The following GIGYF2 variants were observed in gnomAD, a reference collection of about 807,000 sequenced individuals.
GIGYF2 encodes the protein GRB10 interacting GYF protein 2, also known as GRB10-interacting GYF protein 2.
Under a neutral mutation model 208.1 loss-of-function variants are expected in GIGYF2, and 25 were observed. The ratio of observed to expected loss-of-function variants is 0.12; its 90% CI spans 0.09 to 0.17. The LOEUF (loss-of-function observed/expected upper bound fraction) is 0.17, where lower values mean the gene tolerates loss of function less well. Ranked by LOEUF, GIGYF2 falls within the 10% of genes least tolerant of loss-of-function variation. The pLI is 1.00. For synonymous variants in GIGYF2, 534 were observed against 543.8 expected (o/e 0.98, Z 0.25); for missense variants, 1,302 against 1,579.4 (o/e 0.82, Z 2.98).
In GIGYF2 at chr2:232,735,792, C is replaced by A. The variant is rs922421642; in HGVS notation, c.41+554C>A. 21 of 985,326 alleles carry A rather than the reference C, an allele frequency of 2.1e-5. No individual in the cohort carries two copies. In the South Asian group the frequency reaches 8.5e-4, roughly 40 times the overall value. The allele number at this position is 985,326 out of a possible 1,614,324, so 61.0% of individuals were successfully genotyped here. ...GTTTGGACCCCGAATATGGAATTCT[C>A]ATGGAATTTTGAGATCCATCACATT... is the stretch of plus-strand genomic sequence containing the variant. On this transcript the variant is annotated intron_variant, in intron 3 of 28. Coordinates refer to ENST00000373563, the MANE Select transcript of GIGYF2 (RefSeq NM_001103146.3).
chr2:232,758,749 A>G (rs1698636874), intron 6 of GIGYF2, among the ~76,000 whole-genome samples: 1 of 152,180 alleles, frequency 6.6e-6, no homozygotes, highest in African/African-American at 2.4e-5. Flanking sequence ...TTTCTGGAAT[A>G]AAACATTTTC....
At chr2:232,756,530 G>C (rs754397854) in intron 6 of GIGYF2, among the ~76,000 whole-genome samples, 196 bp downstream of exon 6, 6 of 152,126 alleles carry the variant, frequency 3.9e-5, no homozygotes, top group Non-Finnish European at 7.4e-5. Flanking sequence ...GAGCAGAAGA[G>C]TATAATTCTA....
chr2:232,729,481 C>A, intron 2 of GIGYF2: 4 of 983,748 alleles, frequency 4.1e-6, no homozygotes, highest in Admixed American at 3.0e-5. Flanking sequence ...TTTTAATTAA[C>A]CTCTCAAGCT....
At chr2:232,820,572 C>T (rs1574922230) in intron 21 of GIGYF2, among the ~76,000 whole-genome samples, 1 of 151,846 alleles carries the variant, frequency 6.6e-6, no homozygotes, top group South Asian at 2.1e-4. Flanking sequence ...CCTCGGCCTC[C>T]CAAAGTGCTG....
At chr2:232,700,427 C>G (rs991023852) in intron 1 of GIGYF2, among the ~76,000 whole-genome samples, 21 of 152,298 alleles carry the variant, frequency 1.4e-4, no homozygotes, top group Admixed American at 3.9e-4. Flanking sequence ...CTGGGAGAAC[C>G]TTTTTGGGTA....
intron 21 of GIGYF2, among the ~76,000 whole-genome samples, chr2:232,828,904 C>T (rs1481476715): frequency 1.3e-5 from 2 of 152,040 alleles, no homozygotes; most frequent in African/African-American, 4.8e-5. Flanking sequence ...CCAAGCTTGG[C>T]CTCCTACATT....
chr2:232,796,280 T>C (rs1700220127), intron 14 of GIGYF2, 59 bp downstream of exon 14: 1 of 1,066,130 alleles, frequency 9.4e-7, no homozygotes, highest in African/African-American at 1.5e-5. Context: ...CCAGAATCTC[T>C]AAGAAGGGAT....
chr2:232,746,594 A>G (rs1051368999), intron 3 of GIGYF2, among the ~76,000 whole-genome samples: 3 of 152,232 alleles, frequency 2.0e-5, no homozygotes, highest in East Asian at 3.9e-4. Context: ...TTTTCCCCAT[A>G]AAAATATATT....
intron 13 of GIGYF2, 21 bp from the exon 14 acceptor site, chr2:232,796,041 T>C (rs1486937577): frequency 5.7e-6 from 9 of 1,588,090 alleles, no homozygotes; most frequent in Non-Finnish European, 7.8e-6. Context: ...GTTTCCTTGA[T>C]TTTTGTTTTT....
At chr2:232,824,686 A>C (rs1701195906) in intron 21 of GIGYF2, among the ~76,000 whole-genome samples, 1 of 152,258 alleles carries the variant, frequency 6.6e-6, no homozygotes, top group Admixed American at 6.5e-5. Context: ...CAAGTTATCC[A>C]GATGCCCTAC....
chr2:232,784,598 G>GCCAGGGTGAT (rs140365931), intron 8 of GIGYF2, among the ~76,000 whole-genome samples: 2 of 151,294 alleles, frequency 1.3e-5, no homozygotes, highest in Non-Finnish European at 2.9e-5. Flanking sequence ...CATCGTGTTA[G>GCCAGGGTGAT]CTTGATCTGA....
At chr2:232,770,795 A>AT in intron 8 of GIGYF2, 1 of 761,468 alleles carries the variant, frequency 1.3e-6, no homozygotes, top group Admixed American at 2.4e-5. Flanking sequence ...TAGATAAATT[A>AT]TTCTGTAACA....
chr2:232,823,755 G>A (rs1246943892), intron 21 of GIGYF2, among the ~76,000 whole-genome samples: 1 of 152,186 alleles, frequency 6.6e-6, no homozygotes, highest in Non-Finnish European at 1.5e-5. Context: ...GAAAAAGTTT[G>A]TGTAAGATTG....
rs188644682 is a variant in GIGYF2 at position 232,838,785 on chromosome 2, C to G, written c.2767-1064C>G. On this transcript the variant is annotated intron_variant, in intron 22 of 28. Coordinates refer to ENST00000373563, the MANE Select transcript of GIGYF2 (RefSeq NM_001103146.3). ...GTTTTGCCTCTCAACACCTCCCTCC[C>G]CCAGTCTTTGTTAACTTCCCTCTGC... Among the ~76,000 whole-genome samples the G allele has an allele frequency of 3.0e-3, 454 of 152,188 alleles. 5 individuals are homozygous for G. The highest frequency in any genetic ancestry group is 0.01 in the African/African-American group (433 of 41,518).
At chr2:232,771,497 A>T in intron 8 of GIGYF2, 2 of 594,502 alleles carry the variant, frequency 3.4e-6, no homozygotes, top group Non-Finnish European at 5.7e-6. Context: ...AACTTTGCCA[A>T]CTCTCTCGCT....
chr2:232,703,546 C>T (rs1374353205), intron 2 of GIGYF2, 57 bp downstream of exon 2: 1 of 152,588 alleles, frequency 6.6e-6, no homozygotes, highest in East Asian at 1.9e-4. Context: ...GTAATTTCTG[C>T]TTTTAGGTTT....
intron 8 of GIGYF2, among the ~76,000 whole-genome samples, chr2:232,770,627 G>A (rs1041999827): frequency 2.0e-5 from 3 of 151,718 alleles, no homozygotes; most frequent in African/African-American, 7.3e-5. Context: ...TTTTGATATG[G>A]GATATTTCTG....
intron 15 of GIGYF2, among the ~76,000 whole-genome samples, chr2:232,807,761 GGAGTCTCGCCA>G (rs1700602515): frequency 6.6e-6 from 1 of 152,008 alleles, no homozygotes; most frequent in Non-Finnish European, 1.5e-5. Context: ...TTAAAGAGAT[GGAGTCTCGCCA>G]TGTTGCCCAG....
rs192551504 is a variant in GIGYF2 at position 232,813,668 on chromosome 2, T to C, written c.2107+1177T>C. ...TTGAGCCATTCAGGTCATGGTTCTG[T>C]TGTTAACACTGACCCCGCAGATTAT... On this transcript the variant is annotated intron_variant, in intron 18 of 28. Coordinates refer to ENST00000373563, the MANE Select transcript of GIGYF2 (RefSeq NM_001103146.3). Among the ~76,000 whole-genome samples the C allele has an allele frequency of 7.9e-5, 12 of 152,292 alleles. No individual in the cohort carries two copies. The East Asian group carries it at 1.5e-3, about 20-fold the overall frequency.
Sources: gnomAD v4.1 joint callset for allele counts (sites outside exome capture counted in the v4.1 genomes callset) on GRCh38, gnomAD v4.1.1 for gene constraint, MANE v1.5 for transcripts, NCBI Gene and HGNC (gene_info 2026-07-23, HGNC 2026-07-21) for gene names.